STX8: variants seen among roughly 807,000 people sequenced by gnomAD.
STX8 encodes the protein syntaxin 8, also known as syntaxin-8.
STX8 carries 23 observed loss-of-function variants against 37.5 expected under a neutral mutation model. That is an observed-to-expected ratio of 0.61 (90% CI 0.44 to 0.87). STX8 has a LOEUF of 0.87. Among genes scored for constraint, STX8 ranks in the 40% least tolerant of loss-of-function variants. The probability of loss-of-function intolerance (pLI) is 0.00; values close to 1 mark genes in which losing one functional copy is unlikely to be tolerated. For missense variants in STX8, 313 were observed against 284.7 expected, an observed-to-expected ratio of 1.10 and a Z score of -0.71; for synonymous variants, 115 against 99.1, an observed-to-expected ratio of 1.16 and a Z score of -0.95.
rs386385624 is a variant in STX8 at position 9,523,405 on chromosome 17, C to CAT, written c.324-18245_324-18244dup. ...GTACATATATATATACACACACACACATATATATATTTAAAGAGAAACAAA... is the reference window on the plus strand; with the variant it reads ...GTACATATATATATACACACACACACATATATATATATTTAAAGAGAAACAAA... On this transcript the variant is annotated intron_variant, in intron 4 of 7. Transcript: ENST00000306357. 2.0e-5 allele frequency among the ~76,000 whole-genome samples: 3 copies of CAT among 149,966 alleles called. No individual in the cohort carries two copies. The South Asian group carries it at 6.3e-4, about 32-fold the overall frequency.
chr17:9,436,649 G>A (rs1904443409), intron 6 of STX8, among the ~76,000 whole-genome samples: 1 of 151,232 alleles, frequency 6.6e-6, no homozygotes, highest in Non-Finnish European at 1.5e-5. Context: ...ATGAAGAGCT[G>A]GCTGAAAACA....
chr17:9,281,795 G>A (rs1907894324), intron 7 of STX8, among the ~76,000 whole-genome samples: 1 of 152,218 alleles, frequency 6.6e-6, no homozygotes, highest in African/African-American at 2.4e-5. Flanking sequence ...TCAGCCAGGT[G>A]TGGTGGCACA....
intron 7 of STX8, among the ~76,000 whole-genome samples, chr17:9,254,852 CAT>C (rs1491236388): frequency 9.9e-5 from 15 of 151,886 alleles, no homozygotes; most frequent in African/African-American, 3.4e-4. Flanking sequence ...CACGTGTGTG[CAT>C]GTGTGTGTGT....
intron 6 of STX8, among the ~76,000 whole-genome samples, chr17:9,470,373 T>C (rs542928093): frequency 6.6e-6 from 1 of 152,344 alleles, no homozygotes; most frequent in East Asian, 1.9e-4. Flanking sequence ...ACCACTTCCT[T>C]CCTGCTGCTT....
At chr17:9,557,613 G>T in intron 2 of STX8, 85 bp from the exon 3 acceptor site, 2 of 1,181,170 alleles carry the variant, frequency 1.7e-6, no homozygotes, top group Non-Finnish European at 2.5e-6. Context: ...TACTTCACGG[G>T]CTATGATGCA....
intron 6 of STX8, among the ~76,000 whole-genome samples, chr17:9,441,844 T>G (rs1433540344): frequency 6.6e-6 from 1 of 151,628 alleles, no homozygotes; most frequent in East Asian, 2.0e-4. Context: ...CCCGGCTAAT[T>G]TTTTGTATTT....
intron 7 of STX8, among the ~76,000 whole-genome samples, chr17:9,375,248 A>C (rs961417071): frequency 1.3e-5 from 2 of 152,160 alleles, no homozygotes; most frequent in Non-Finnish European, 2.9e-5. Context: ...TATGGACACA[A>C]GTTTTCCAAA....
At chr17:9,435,819 TC>T (rs950578255) in intron 6 of STX8, among the ~76,000 whole-genome samples, 4 of 152,216 alleles carry the variant, frequency 2.6e-5, no homozygotes, top group Non-Finnish European at 4.4e-5. Flanking sequence ...GTTAACTATC[TC>T]CATTTATTCA....
At chr17:9,284,132 G>A (rs1207736882) in intron 7 of STX8, among the ~76,000 whole-genome samples, 1 of 152,186 alleles carries the variant, frequency 6.6e-6, no homozygotes, top group East Asian at 1.9e-4. Context: ...CATGGTCAGT[G>A]AACTGGGGAT....
chr17:9,490,109 G>A (rs989142837), intron 6 of STX8, among the ~76,000 whole-genome samples: 1 of 152,206 alleles, frequency 6.6e-6, no homozygotes, highest in Non-Finnish European at 1.5e-5. Flanking sequence ...GAACTAAGTT[G>A]TCCTCTCTGT....
At chr17:9,456,347 G>A (rs76540917) in intron 6 of STX8, among the ~76,000 whole-genome samples, 1,672 of 152,280 alleles carry the variant, frequency 0.011, 31 homozygotes, top group African/African-American at 0.038. Flanking sequence ...AAACCCAGAG[G>A]CAGTGAAGAA....
At chr17:9,399,644 T>C (rs1173012088) in intron 6 of STX8, among the ~76,000 whole-genome samples, 1 of 152,076 alleles carries the variant, frequency 6.6e-6, no homozygotes, top group Non-Finnish European at 1.5e-5. Context: ...GGCAGGCAGA[T>C]CACCTGAGGT....
chr17:9,508,382 A>C (rs1904912514), intron 4 of STX8, among the ~76,000 whole-genome samples: 1 of 152,042 alleles, frequency 6.6e-6, no homozygotes, highest in Non-Finnish European at 1.5e-5. Flanking sequence ...GCTGGAGTGC[A>C]GTGGCATTAT....
At chr17:9,280,115 G>A (rs1029736820) in intron 7 of STX8, among the ~76,000 whole-genome samples, 3 of 150,940 alleles carry the variant, frequency 2.0e-5, no homozygotes, top group African/African-American at 5.0e-5. Context: ...CAGCTACTGC[G>A]AGGCAGGGGT....
intron 7 of STX8, among the ~76,000 whole-genome samples, chr17:9,363,497 A>T (rs1422597707): frequency 6.6e-6 from 1 of 152,208 alleles, no homozygotes; most frequent in Non-Finnish European, 1.5e-5. Context: ...TGAGTATGCA[A>T]AACTAAGTCT....
chr17:9,417,057 TG>T (rs1315923315), intron 6 of STX8, among the ~76,000 whole-genome samples: 3 of 152,296 alleles, frequency 2.0e-5, no homozygotes, highest in Non-Finnish European at 4.4e-5. Context: ...CACACCCCTA[TG>T]GGTTCCTCTC....
intron 6 of STX8, among the ~76,000 whole-genome samples, chr17:9,432,890 C>T (rs1452481960): frequency 2.0e-5 from 3 of 152,162 alleles, no homozygotes; most frequent in South Asian, 4.1e-4. Flanking sequence ...ACACTGTTAC[C>T]TTCAGAGTAA....
intron 7 of STX8, among the ~76,000 whole-genome samples, chr17:9,371,080 T>C (rs1911388024): frequency 6.6e-6 from 1 of 152,196 alleles, no homozygotes; most frequent in Non-Finnish European, 1.5e-5. Context: ...AATCCCTTGT[T>C]AAGAACTGAA....
intron 7 of STX8, chr17:9,378,257 C>G (rs1911668726): frequency 4.1e-6 from 1 of 243,650 alleles, no homozygotes; most frequent in African/African-American, 2.3e-5. Context: ...ACCCGCCAAC[C>G]AGTATAATGT....
Sources: allele counts gnomAD v4.1 joint callset (sites outside exome capture counted in the v4.1 genomes callset), GRCh38; gene constraint gnomAD v4.1.1; transcripts MANE v1.5; gene names NCBI Gene and HGNC (gene_info 2026-07-23, HGNC 2026-07-21).